The following CNTN5 variants were observed in gnomAD, a reference collection of about 807,000 sequenced individuals.
CNTN5 encodes contactin 5.
A neutral mutation model predicts 129.1 loss-of-function variants in CNTN5; 77 were observed. That is an observed-to-expected ratio of 0.60 (90% CI 0.50 to 0.72). The LOEUF is 0.72. Among genes scored for constraint, CNTN5 ranks in the 30% least tolerant of loss-of-function variants. The pLI is 0.00. For missense variants in CNTN5, 1,478 were observed against 1,328.8 expected, an observed-to-expected ratio of 1.11 and a Z score of -1.75; for synonymous variants, 509 against 465.6, an observed-to-expected ratio of 1.09 and a Z score of -1.20.
chr11:100,285,582 G>C (rs1322619580), intron 18 of CNTN5, among the ~76,000 whole-genome samples: 2 of 152,200 alleles, frequency 1.3e-5, no homozygotes, highest in East Asian at 3.8e-4. Flanking sequence ...AGGAGTAGAG[G>C]AAAAGAAGTG....
intron 13 of CNTN5, among the ~76,000 whole-genome samples, chr11:100,083,331 A>AAAAG (rs1555001956): frequency 6.6e-6 from 1 of 151,454 alleles, no homozygotes; most frequent in Non-Finnish European, 1.5e-5. Context: ...AAAAAAAAAA[A>AAAAG]AGAGAGATGG....
intron 1 of CNTN5, among the ~76,000 whole-genome samples, chr11:99,265,834 C>T (rs890909220): frequency 4.0e-5 from 6 of 151,876 alleles, no homozygotes; most frequent in African/African-American, 7.3e-5. Context: ...CTCATTCACT[C>T]GGTAAGTAGC....
intron 18 of CNTN5, among the ~76,000 whole-genome samples, chr11:100,279,260 GT>G (rs71465316): frequency 5.3e-4 from 78 of 148,478 alleles, no homozygotes; most frequent in African/African-American, 1.6e-3. Flanking sequence ...CAGTCTATAG[GT>G]TTTTTTTTTC....
At chr11:99,177,707 A>G (rs181167662) in intron 1 of CNTN5, among the ~76,000 whole-genome samples, 547 of 152,348 alleles carry the variant, frequency 3.6e-3, no homozygotes, top group African/African-American at 0.012. Context: ...AAGGAAAAAA[A>G]TGTATATATG....
At chr11:100,320,996 C>G (rs1318807531) in intron 21 of CNTN5, among the ~76,000 whole-genome samples, 1 of 151,996 alleles carries the variant, frequency 6.6e-6, no homozygotes. Flanking sequence ...AGTTTGATAC[C>G]TCCAATTTTA....
intron 17 of CNTN5, among the ~76,000 whole-genome samples, chr11:100,264,605 G>A (rs1406922178): frequency 6.6e-6 from 1 of 152,076 alleles, no homozygotes; most frequent in African/African-American, 2.4e-5. Context: ...GTGTATATGT[G>A]CCACATTTCC....
intron 18 of CNTN5, among the ~76,000 whole-genome samples, chr11:100,278,327 G>GT (rs1189938072): frequency 6.6e-6 from 1 of 151,886 alleles, no homozygotes; most frequent in Non-Finnish European, 1.5e-5. Context: ...CTTAAGAATT[G>GT]TTTTTTCTAT....
At chr11:99,032,828 A>G (rs948862157) in intron 1 of CNTN5, among the ~76,000 whole-genome samples, 18 of 147,424 alleles carry the variant, frequency 1.2e-4, no homozygotes, top group Non-Finnish European at 1.9e-4. Context: ...TGTTTTAGAC[A>G]TGAAGTCCTT....
intron 3 of CNTN5, among the ~76,000 whole-genome samples, chr11:99,768,944 A>G (rs561201184): frequency 6.6e-6 from 1 of 152,294 alleles, no homozygotes; most frequent in South Asian, 2.1e-4. Flanking sequence ...ATTATACTAT[A>G]GAACACAAAA....
In CNTN5 at chr11:99,037,279, G is replaced by T. The variant is rs148979603; in HGVS notation, c.-210+16009G>T. 3.4e-3 allele frequency among the ~76,000 whole-genome samples: 512 copies of T among 152,208 alleles called. 7 individuals carry two copies. The highest frequency in any genetic ancestry group is 1.3e-3 in the Non-Finnish European group (89 of 68,014). Reference sequence around the variant, plus strand: ...TCCAACATGTCAATAATTCTGATGGGATAATCTTTCAGAGACTCAAGCTTG... The same window carrying T: ...TCCAACATGTCAATAATTCTGATGGTATAATCTTTCAGAGACTCAAGCTTG... On this transcript the variant is annotated intron_variant, in intron 1 of 24. Coordinates refer to ENST00000524871, the MANE Select transcript of CNTN5 (RefSeq NM_014361.4).
intron 3 of CNTN5, among the ~76,000 whole-genome samples, chr11:99,724,416 T>C (rs1943270194): frequency 1.3e-5 from 2 of 152,182 alleles, no homozygotes; most frequent in South Asian, 4.1e-4. Flanking sequence ...CATTTTTATA[T>C]ATTCCATATA....
chr11:99,840,846 T>C (rs1947464781), intron 4 of CNTN5, among the ~76,000 whole-genome samples: 1 of 152,158 alleles, frequency 6.6e-6, no homozygotes. Context: ...GAGTGCAGAA[T>C]GTAAGTATAT....
chr11:99,692,120 C>T (rs554911495), intron 3 of CNTN5, among the ~76,000 whole-genome samples: 22 of 152,044 alleles, frequency 1.4e-4, no homozygotes, highest in East Asian at 1.2e-3. Context: ...TCTTTATTTT[C>T]GGCCTATGTG....
chr11:99,257,564 G>A (rs967253430), intron 1 of CNTN5, among the ~76,000 whole-genome samples: 1 of 151,942 alleles, frequency 6.6e-6, no homozygotes, highest in African/African-American at 2.4e-5. Context: ...TGAAAAAAAG[G>A]TGTAATTTTT....
chr11:100,006,638 T>C (rs926912511), intron 9 of CNTN5, among the ~76,000 whole-genome samples: 1 of 152,148 alleles, frequency 6.6e-6, no homozygotes, highest in Non-Finnish European at 1.5e-5. Context: ...CTTGCTGTTT[T>C]CATCACATCT....
At chr11:99,239,800 G>A (rs904021240) in intron 1 of CNTN5, among the ~76,000 whole-genome samples, 2 of 152,122 alleles carry the variant, frequency 1.3e-5, no homozygotes, top group African/African-American at 2.4e-5. Flanking sequence ...AGCCGGGCGT[G>A]GTGGCGGGCG....
intron 3 of CNTN5, among the ~76,000 whole-genome samples, chr11:99,638,007 T>A (rs1166445632): frequency 6.6e-6 from 1 of 152,136 alleles, no homozygotes; most frequent in African/African-American, 2.4e-5. Flanking sequence ...GTGGACCACA[T>A]ATGTAACAGT....
chr11:100,234,557 C>A (rs1949564107), intron 16 of CNTN5, among the ~76,000 whole-genome samples: 1 of 151,904 alleles, frequency 6.6e-6, no homozygotes, highest in Non-Finnish European at 1.5e-5. Flanking sequence ...AAACCAAACA[C>A]CACATGTTCT....
At chr11:100,240,282 C>A (rs2138678753) in intron 16 of CNTN5, among the ~76,000 whole-genome samples, 1 of 150,316 alleles carries the variant, frequency 6.7e-6, no homozygotes, top group East Asian at 1.9e-4. Context: ...CTGCAATAAC[C>A]CACTGTCTCC....
Sources: gnomAD v4.1 joint callset for allele counts (sites outside exome capture counted in the v4.1 genomes callset) on GRCh38, gnomAD v4.1.1 for gene constraint, MANE v1.5 for transcripts, NCBI Gene and HGNC (gene_info 2026-07-23, HGNC 2026-07-21) for gene names.